The following TMC2 variants were observed in gnomAD, a reference collection of about 807,000 sequenced individuals.
The protein encoded by TMC2 is transmembrane channel like 2.
A neutral mutation model predicts 105.9 loss-of-function variants in TMC2; 102 were observed. The observed-to-expected ratio is 0.96, with a 90% CI of 0.82 to 1.14. The LOEUF (loss-of-function observed/expected upper bound fraction) is 1.14, where lower values mean the gene tolerates loss of function less well. Ranked by LOEUF, TMC2 falls within the 50% of genes most tolerant of loss-of-function variation. The probability of loss-of-function intolerance (pLI) is 0.00; values close to 1 mark genes in which losing one functional copy is unlikely to be tolerated. For missense variants in TMC2, 1,093 were observed against 1,134.3 expected (o/e 0.96, Z 0.52); for synonymous variants, 402 against 422.8 (o/e 0.95, Z 0.60).
intron 19 of TMC2, among the ~76,000 whole-genome samples, chr20:2,638,640 G>C (rs1048517326): frequency 3.9e-5 from 6 of 152,102 alleles, no homozygotes; most frequent in African/African-American, 1.4e-4. Context: ...GGAGGTGGAA[G>C]ACAGTGATAT....
At chr20:2,545,684 GAAAGAAGAAGGAAGA>G (rs1425029301) in intron 2 of TMC2, among the ~76,000 whole-genome samples, 1 of 65,730 alleles carries the variant, frequency 1.5e-5, no homozygotes, top group Non-Finnish European at 4.5e-5. Flanking sequence ...AGAAGAAGAA[GAAAGAAGAAGGAAGA>G]AGAAAGAAGA....
intron 2 of TMC2, among the ~76,000 whole-genome samples, chr20:2,540,656 C>CAAAA (rs10657326): frequency 3.1e-4 from 34 of 108,404 alleles, no homozygotes; most frequent in African/African-American, 9.7e-4. Flanking sequence ...GAGGGACTCT[C>CAAAA]AAAAAAAAAA....
intron 16 of TMC2, among the ~76,000 whole-genome samples, chr20:2,621,439 T>C (rs545835741): frequency 2.0e-5 from 3 of 150,412 alleles, no homozygotes; most frequent in Admixed American, 6.6e-5. Flanking sequence ...GATGTGACCA[T>C]AGAAGCAGGC....
At chr20:2,563,360 T>G (rs1170872353) in intron 4 of TMC2, among the ~76,000 whole-genome samples, 2 of 152,192 alleles carry the variant, frequency 1.3e-5, no homozygotes, top group African/African-American at 4.8e-5. Context: ...TCGTAGTGCC[T>G]CCAGGCCTAT....
At chr20:2,624,885 G>A (rs2086553367) in intron 17 of TMC2, among the ~76,000 whole-genome samples, 1 of 152,180 alleles carries the variant, frequency 6.6e-6, no homozygotes, top group South Asian at 2.1e-4. Context: ...TGTGGGCTCT[G>A]AGCCTATCAG....
rs2086185607 is a variant in TMC2 at position 2,581,049 on chromosome 20, AT to A, written c.834+997del. ...GAGGAACAGTATGTGTGCATTTAGT[AT>A]TTTCTTCCTCACAGGTGTATTAATT... On this transcript the variant is annotated intron_variant, in intron 7 of 19. Coordinates refer to ENST00000358864, the MANE Select transcript of TMC2 (RefSeq NM_080751.3). 3.3e-5 allele frequency among the ~76,000 whole-genome samples: 5 copies of A among 152,174 alleles called. No homozygotes were observed. The South Asian group carries it at 1.0e-3, about 32-fold the overall frequency.
At chr20:2,543,029 G>C (rs554283246) in intron 2 of TMC2, among the ~76,000 whole-genome samples, 5 of 152,144 alleles carry the variant, frequency 3.3e-5, no homozygotes, top group African/African-American at 1.2e-4. Context: ...TTGAGGTCAG[G>C]AGTTTGAGAC....
Position 2,592,344 on chromosome 20 carries a change from G to T in TMC2, c.869G>T (p.Arg290Ile), listed in dbSNP as rs141669275. 3.7e-5 allele frequency: 60 copies of T among 1,613,886 alleles called. No homozygotes were observed. The highest frequency in any genetic ancestry group is 4.7e-5 in the Non-Finnish European group (55 of 1,179,880). ...LMGMPYGSIP[R>I]KTVPRAEEEK... ...GGCATGCCCTATGGGAGTATTCCCA[G>T]AAAGACAGTGCCTCGGGCTGAGGAA... Residue 290 changes from arginine (R) to isoleucine (I), a missense_variant, in exon 8 of 20, where the codon AGA becomes ATA. Coordinates refer to ENST00000358864, the MANE Select transcript of TMC2 (RefSeq NM_080751.3). The surrounding 1 kb of genome is among the most constrained non-coding windows in gnomAD (Gnocchi z 4.9).
chr20:2,575,808 A>G (rs2086140351), intron 5 of TMC2, among the ~76,000 whole-genome samples: 1 of 150,538 alleles, frequency 6.6e-6, no homozygotes, highest in African/African-American at 2.5e-5. Context: ...TATTCTCAAT[A>G]TCATGGAATC....
intron 18 of TMC2, among the ~76,000 whole-genome samples, chr20:2,636,484 A>G (rs1170926483): frequency 6.6e-6 from 1 of 150,976 alleles, no homozygotes; most frequent in African/African-American, 2.4e-5. Flanking sequence ...ACACACACAC[A>G]CACACACACG....
Position 2,558,728 on chromosome 20 carries a change from G to C in TMC2, c.355G>C (p.Glu119Gln). Residue 119 changes from glutamate to glutamine, a missense_variant, in exon 3 of 20, where the codon GAG becomes CAG. Coordinates refer to ENST00000358864, the MANE Select transcript of TMC2 (RefSeq NM_080751.3). The surrounding 1 kb of genome is among the most constrained non-coding windows in gnomAD (Gnocchi z 4.6). Reference sequence around the variant, plus strand: ...GACAGCAGCCCCAAAGAGGGAAAAGGAGATTCCGAGGAGGGAGGAGAAGTC... The same window carrying C: ...GACAGCAGCCCCAAAGAGGGAAAAGCAGATTCCGAGGAGGGAGGAGAAGTC... Reference protein sequence around the residue: ...ERTAAPKREKEIPRREEKSKR... With the variant: ...ERTAAPKREKQIPRREEKSKR... 5.0e-6 allele frequency: 8 copies of C among 1,588,154 alleles called. No individual in the cohort carries two copies. Among genetic ancestry groups the C allele is most frequent in the Non-Finnish European group, 6.0e-6 (7 of 1,167,762 alleles).
In TMC2 at chr20:2,602,317, C is replaced by A; in HGVS notation, c.1413+16C>A. On this transcript the variant is annotated intron_variant, in intron 11 of 19. Coordinates refer to ENST00000358864, the MANE Select transcript of TMC2 (RefSeq NM_080751.3). ...AAGGAATGAGGTAAGAAAAACATCG[C>A]TGATGAACTGAAGGTTGATGGCAAA... 1 of 1,551,882 alleles carries A rather than the reference C, an allele frequency of 6.4e-7. No homozygotes were observed. Among genetic ancestry groups the A allele is most frequent in the Non-Finnish European group, 8.7e-7 (1 of 1,147,196 alleles).
chr20:2,548,227 C>A (rs2085935970), intron 2 of TMC2, among the ~76,000 whole-genome samples: 1 of 152,182 alleles, frequency 6.6e-6, no homozygotes, highest in Non-Finnish European at 1.5e-5. Flanking sequence ...CAGATATGAA[C>A]ATGTGTGTTA....
Position 2,613,259 on chromosome 20 carries a change from CCTACGGG to C in TMC2, c.1812_1818del (p.Arg605ValfsTer6). The C allele has an allele frequency of 1.2e-6, 2 of 1,614,122 alleles. No individual in the cohort carries two copies. The highest frequency in any genetic ancestry group is 1.7e-6 in the Non-Finnish European group (2 of 1,180,012). ...ACATCACCATCCTGCTGGGGGACTT[CCTACGGG>C]CTTGTTTTGTGCGGTTCATGAACTA... is the stretch of plus-strand genomic sequence containing the variant. On this transcript the variant is annotated frameshift_variant, in exon 14 of 20. Transcript: ENST00000358864. LOFTEE classifies it high-confidence loss of function.
rs2086276881 is a variant in TMC2, at chr20:2,592,526, C to T, written c.933+118C>T. The T allele has an allele frequency of 2.7e-6, 2 of 729,626 alleles. No individual in the cohort carries two copies. The highest frequency in any genetic ancestry group is 4.8e-6 in the Non-Finnish European group (2 of 415,118). The allele number at this position is 729,626 out of a possible 1,614,324, so 45.2% of individuals were successfully genotyped here. A position where few individuals can be genotyped will look rare whatever the true frequency, so the allele number is the denominator to read the frequency against. Reference sequence around the variant, plus strand: ...AAAAACCATTGCTTTAATAGGATCCCAGCACTAAGCTAAATGAGCTTGCAA... The same window carrying T: ...AAAAACCATTGCTTTAATAGGATCCTAGCACTAAGCTAAATGAGCTTGCAA... On this transcript the variant is annotated intron_variant, in intron 8 of 19. Coordinates refer to ENST00000358864, the MANE Select transcript of TMC2 (RefSeq NM_080751.3). This position sits in a 1 kb window ranked among gnomAD's most constrained non-coding sequence, Gnocchi z 4.9.
At chr20:2,596,170 T>C (rs570162731) in intron 9 of TMC2, among the ~76,000 whole-genome samples, 84 of 152,274 alleles carry the variant, frequency 5.5e-4, no homozygotes, top group Non-Finnish European at 1.1e-3. Flanking sequence ...GCACCCCTGT[T>C]TGGAATTCTG....
At chr20:2,546,112 G>C (rs1818897806) in intron 2 of TMC2, among the ~76,000 whole-genome samples, 1 of 152,156 alleles carries the variant, frequency 6.6e-6, no homozygotes, top group African/African-American at 2.4e-5. Context: ...TATGGAGGCA[G>C]GGCCCTTCTA....
At chr20:2,633,795 G>A (rs2086622386) in intron 17 of TMC2, among the ~76,000 whole-genome samples, 1 of 152,088 alleles carries the variant, frequency 6.6e-6, no homozygotes, top group Non-Finnish European at 1.5e-5. Flanking sequence ...CTTAGATGCT[G>A]CAGAACTCAC....
rs570993087 is a variant in TMC2 at position 2,612,871 on chromosome 20, A to G, written c.1744-323A>G. Among the ~76,000 whole-genome samples the G allele has an allele frequency of 2.4e-4, 37 of 152,360 alleles. No homozygotes were observed. In the South Asian group the frequency reaches 6.8e-3, roughly 28 times the overall value. On this transcript the variant is annotated intron_variant, in intron 13 of 19. Transcript: ENST00000358864. ...TGATGATGACTACGATGCATTGGGC[A>G]TAGTCAATTTAACAGGCAATTTGCA... is the stretch of plus-strand genomic sequence containing the variant.
Sources: allele counts gnomAD v4.1 joint callset (sites outside exome capture counted in the v4.1 genomes callset), GRCh38; gene constraint gnomAD v4.1.1; non-coding constraint Gnocchi (gnomAD v3.1); transcripts MANE v1.5; gene names NCBI Gene and HGNC (gene_info 2026-07-23, HGNC 2026-07-21).